TSHZ3: variants seen among roughly 807,000 people sequenced by gnomAD.
The protein encoded by TSHZ3 is teashirt homolog 3.
TSHZ3 carries 10 observed loss-of-function variants against 64.5 expected under a neutral mutation model. The ratio of observed to expected loss-of-function variants is 0.16; its 90% CI spans 0.10 to 0.26. TSHZ3 has a LOEUF of 0.26. Ranked by LOEUF, TSHZ3 falls within the 10% of genes least tolerant of loss-of-function variation. The pLI, the probability that TSHZ3 is intolerant of heterozygous loss-of-function variation, is 1.00. For missense variants in TSHZ3, 1,242 were observed against 1,421.7 expected (o/e 0.87, Z 2.03); for synonymous variants, 608 against 593.1 (o/e 1.03, Z -0.36).
intron 1 of TSHZ3, among the ~76,000 whole-genome samples, chr19:31,291,443 G>A (rs1976563251): frequency 1.3e-5 from 2 of 152,216 alleles, no homozygotes; most frequent in African/African-American, 4.8e-5. Context: ...CAGAAAAGGA[G>A]GAGGCCAGAA....
chr19:31,207,412 T>C (rs1156439226), intron 4 of TSHZ3: 1 of 152,216 alleles, frequency 6.6e-6, no homozygotes, highest in Non-Finnish European at 1.5e-5. Context: ...ATCAATGTTG[T>C]GAAGTACTGC....
At chr19:31,188,118 T>A (rs987729828) in intron 5 of TSHZ3, among the ~76,000 whole-genome samples, 55 of 151,882 alleles carry the variant, frequency 3.6e-4, no homozygotes, top group Admixed American at 1.9e-3. Context: ...ATAGAAGCCA[T>A]ACATATATTT....
chr19:31,222,293 C>T (rs1257196769), intron 4 of TSHZ3, among the ~76,000 whole-genome samples: 1 of 152,148 alleles, frequency 6.6e-6, no homozygotes, highest in Non-Finnish European at 1.5e-5. Context: ...CAAAATGAAA[C>T]ACATCCAGTA....
chr19:31,196,283 C>T (rs1393305496), intron 5 of TSHZ3, among the ~76,000 whole-genome samples: 1 of 151,722 alleles, frequency 6.6e-6, no homozygotes, highest in Non-Finnish European at 1.5e-5. Flanking sequence ...ATATTGCAAA[C>T]TCTATGGCAA....
chr19:31,233,486 T>TA (rs1347926307), intron 3 of TSHZ3, among the ~76,000 whole-genome samples: 1 of 152,212 alleles, frequency 6.6e-6, no homozygotes, highest in Non-Finnish European at 1.5e-5. Flanking sequence ...CTCTGGATAC[T>TA]AGTCTTTGCC....
chr19:31,183,217 TCTCTCTCTCTTTC>T (rs1568340008), intron 5 of TSHZ3, among the ~76,000 whole-genome samples: 10 of 99,550 alleles, frequency 1.0e-4, no homozygotes, highest in African/African-American at 4.8e-4. Context: ...TCTCTCTCTC[TCTCTCTCTCTTTC>T]TCTCTCTCTC....
intron 1 of TSHZ3, among the ~76,000 whole-genome samples, chr19:31,247,238 A>G (rs1975767920): frequency 6.6e-6 from 1 of 152,190 alleles, no homozygotes; most frequent in Admixed American, 6.5e-5. Context: ...AATATCTCCC[A>G]TAAGACGCTT....
intron 4 of TSHZ3, among the ~76,000 whole-genome samples, chr19:31,223,327 G>A (rs1246851031): frequency 6.6e-6 from 1 of 151,464 alleles, no homozygotes; most frequent in Non-Finnish European, 1.5e-5. Context: ...CTCCCAGGTA[G>A]GTCTGTGAAT....
chr19:31,330,705 T>G (rs1917059929), intron 1 of TSHZ3, among the ~76,000 whole-genome samples: 3 of 92,888 alleles, frequency 3.2e-5, no homozygotes, highest in Admixed American at 1.2e-4. Context: ...GTTTAATCCT[T>G]GGGCGGGGGG....
At position 31,295,800 on chromosome 19, in the gene TSHZ3, CA is replaced by C. The variant is rs758805902; in HGVS notation, c.41-16049del. On this transcript the variant is annotated intron_variant, in intron 1 of 1. Coordinates refer to ENST00000240587, the MANE Select transcript of TSHZ3 (RefSeq NM_020856.4). ...TAATAATAATTTCAACTTTGGGGTT[CA>C]GGGGGTACAGGTACAGGTTTATTAC... is the stretch of plus-strand genomic sequence containing the variant. 4.0e-5 allele frequency among the ~76,000 whole-genome samples: 6 copies of C among 151,322 alleles called. No individual in the cohort carries two copies. In the East Asian group the frequency reaches 7.8e-4, roughly 20 times the overall value.
chr19:31,172,874 G>A (rs755446542), intron 5 of TSHZ3, among the ~76,000 whole-genome samples: 1 of 152,232 alleles, frequency 6.6e-6, no homozygotes, highest in African/African-American at 2.4e-5. Flanking sequence ...TGGGGCAGAA[G>A]TGGGCCTGAC....
intron 1 of TSHZ3, among the ~76,000 whole-genome samples, chr19:31,308,068 T>A (rs2145150619): frequency 6.6e-6 from 1 of 152,344 alleles, no homozygotes; most frequent in African/African-American, 2.4e-5. Flanking sequence ...TGTTTAGCTT[T>A]CTTATTTGTT....
At chr19:31,188,116 C>G (rs182178652) in intron 5 of TSHZ3, among the ~76,000 whole-genome samples, 6 of 151,536 alleles carry the variant, frequency 4.0e-5, no homozygotes, top group Non-Finnish European at 3.0e-5. Flanking sequence ...GTATAGAAGC[C>G]ATACATATAT....
At chr19:31,189,977 G>A (rs1328364822) in intron 5 of TSHZ3, among the ~76,000 whole-genome samples, 1 of 151,972 alleles carries the variant, frequency 6.6e-6, no homozygotes, top group East Asian at 1.9e-4. Context: ...ACAAGTAATA[G>A]CCTTTTCTCT....
At chr19:31,191,076 G>T (rs1974898245) in intron 5 of TSHZ3, among the ~76,000 whole-genome samples, 1 of 152,020 alleles carries the variant, frequency 6.6e-6, no homozygotes, top group South Asian at 2.1e-4. Context: ...CAATCAAATG[G>T]TTTAACTGGG....
At chr19:31,242,495 C>A (rs550616593) in exon 3 of TSHZ3, among the ~76,000 whole-genome samples, 1 of 152,288 alleles carries the variant, frequency 6.6e-6, no homozygotes, top group South Asian at 2.1e-4. Context: ...CCAAAGGCAG[C>A]AGAAGATGGG....
At chr19:31,263,712 C>A (rs1976014003) in intron 1 of TSHZ3, among the ~76,000 whole-genome samples, 1 of 152,202 alleles carries the variant, frequency 6.6e-6, no homozygotes, top group Admixed American at 6.5e-5. Context: ...TCCTCACATC[C>A]CCACCCCTCT....
chr19:31,263,654 C>G (rs930046362), intron 1 of TSHZ3, among the ~76,000 whole-genome samples: 2 of 152,124 alleles, frequency 1.3e-5, no homozygotes, highest in African/African-American at 4.8e-5. Context: ...TGCCCTGCAG[C>G]AGGCTTCCAG....
chr19:31,349,534 G>C (rs1460393933), upstream of TSHZ3: 1 of 325,998 alleles, frequency 3.1e-6, no homozygotes, highest in Non-Finnish European at 5.5e-6. Context: ...CCGCGCTGCC[G>C]GCGGAATGGG....
Sources: allele counts gnomAD v4.1 joint callset (sites outside exome capture counted in the v4.1 genomes callset), GRCh38; gene constraint gnomAD v4.1.1; transcripts MANE v1.5; gene names NCBI Gene and HGNC (gene_info 2026-07-23, HGNC 2026-07-21).